The following SLC25A21 variants were observed in gnomAD, a reference collection of about 807,000 sequenced individuals.
SLC25A21 encodes solute carrier family 25 member 21.
In SLC25A21, 47 loss-of-function variants were observed where a neutral mutation model predicts 43.8. The observed-to-expected ratio is 1.07, with a 90% CI of 0.85 to 1.37. SLC25A21 has a LOEUF of 1.37. Ranked by LOEUF, SLC25A21 falls within the 40% of genes most tolerant of loss-of-function variation. SLC25A21 has a pLI of 0.00. For synonymous variants in SLC25A21, 131 were observed against 121.3 expected (o/e 1.08, Z -0.52); for missense variants, 352 against 350.2 (o/e 1.00, Z -0.04).
chr14:36,701,684 T>C (rs574165607), intron 7 of SLC25A21, among the ~76,000 whole-genome samples: 2 of 152,312 alleles, frequency 1.3e-5, no homozygotes, highest in South Asian at 2.1e-4. Flanking sequence ...TAATATGTAT[T>C]GTATATACCT....
intron 1 of SLC25A21, among the ~76,000 whole-genome samples, chr14:36,891,436 T>C (rs999053606): frequency 4.6e-5 from 7 of 152,160 alleles, no homozygotes; most frequent in African/African-American, 1.7e-4. Flanking sequence ...TTTGAATAAA[T>C]AGAGCAAAAT....
chr14:36,746,211 G>A (rs181561502), intron 3 of SLC25A21, among the ~76,000 whole-genome samples: 17 of 152,254 alleles, frequency 1.1e-4, no homozygotes, highest in Middle Eastern at 3.4e-3. Context: ...CTAAGTGTCC[G>A]TCAACAGATG....
intron 1 of SLC25A21, among the ~76,000 whole-genome samples, chr14:36,915,657 C>T (rs973373076): frequency 6.6e-6 from 1 of 152,088 alleles, no homozygotes; most frequent in African/African-American, 2.4e-5. Flanking sequence ...TTTAATTGAA[C>T]AGTTATTGAG....
intron 1 of SLC25A21, among the ~76,000 whole-genome samples, chr14:37,121,951 A>G (rs888486668): frequency 8.3e-6 from 1 of 121,206 alleles, no homozygotes; most frequent in African/African-American, 2.7e-5. Context: ...CCTAATGCCC[A>G]GAGACAGCAA....
chr14:36,690,481 T>G (rs79888389), intron 7 of SLC25A21, among the ~76,000 whole-genome samples: 7,419 of 152,242 alleles, frequency 0.049, 397 homozygotes, highest in East Asian at 0.29. Context: ...TCCTTCTGAC[T>G]CCCAAGCCTA....
At chr14:37,056,476 G>A (rs530256291) in intron 1 of SLC25A21, among the ~76,000 whole-genome samples, 25 of 147,200 alleles carry the variant, frequency 1.7e-4, no homozygotes, top group Non-Finnish European at 3.3e-4. Context: ...GGGCGACAGC[G>A]AGACTCCATC....
intron 2 of SLC25A21, among the ~76,000 whole-genome samples, chr14:36,864,882 T>C (rs906442160): frequency 3.3e-5 from 5 of 152,198 alleles, no homozygotes; most frequent in African/African-American, 1.2e-4. Flanking sequence ...GGGCAAATCA[T>C]TAACATATGG....
chr14:36,770,309 G>A (rs2415362), intron 3 of SLC25A21, among the ~76,000 whole-genome samples: 7,545 of 152,160 alleles, frequency 0.05, 621 homozygotes, highest in African/African-American at 0.17. Context: ...ATAAGTGGGC[G>A]CTAAATATTT....
At chr14:36,797,566 T>C (rs1887718109) in intron 3 of SLC25A21, among the ~76,000 whole-genome samples, 1 of 152,218 alleles carries the variant, frequency 6.6e-6, no homozygotes, top group Non-Finnish European at 1.5e-5. Context: ...TTTGCTCTTA[T>C]CTAGAAAGTT....
intron 1 of SLC25A21, among the ~76,000 whole-genome samples, chr14:37,124,387 G>C (rs1963261774): frequency 6.6e-6 from 1 of 151,612 alleles, no homozygotes; most frequent in Non-Finnish European, 1.5e-5. Flanking sequence ...GAGAATATTT[G>C]TCAGCAGTTC....
rs1445383633 is a variant in SLC25A21 at position 36,683,933 on chromosome 14, G to T, written c.786-53C>A. On this transcript the variant is annotated intron_variant, in intron 8 of 9. Transcript: ENST00000331299. ...TCTTATTCTGAAAATAAATGGAGTT[G>T]TACCTTAGCTTTATTGAGATAGGGA... 7.2e-6 allele frequency: 10 copies of T among 1,394,718 alleles called. No homozygotes were observed. In the African/African-American group the frequency reaches 1.2e-4, roughly 16 times the overall value. The allele number at this position is 1,394,718 out of a possible 1,614,324, so 86.4% of individuals were successfully genotyped here. A position where few individuals can be genotyped will look rare whatever the true frequency, so the allele number is the denominator to read the frequency against.
intron 1 of SLC25A21, among the ~76,000 whole-genome samples, chr14:36,961,079 T>C (rs1186353112): frequency 2.0e-5 from 3 of 151,556 alleles, no homozygotes; most frequent in African/African-American, 7.3e-5. Context: ...ATGATGTGAG[T>C]GAGCTGGCAA....
intron 1 of SLC25A21, among the ~76,000 whole-genome samples, chr14:36,881,614 G>A (rs937069410): frequency 1.3e-5 from 2 of 152,062 alleles, no homozygotes; most frequent in African/African-American, 4.8e-5. Context: ...TTACAACCTA[G>A]GTCACAGAAA....
intron 1 of SLC25A21, among the ~76,000 whole-genome samples, chr14:37,161,933 G>C (rs577513286): frequency 7.1e-6 from 1 of 141,206 alleles, no homozygotes; most frequent in African/African-American, 2.7e-5. Context: ...AATGCACTCC[G>C]GCCTGGGCGA....
intron 1 of SLC25A21, among the ~76,000 whole-genome samples, chr14:36,962,536 C>T (rs1025526504): frequency 2.0e-5 from 3 of 152,248 alleles, no homozygotes; most frequent in Middle Eastern, 3.4e-3. Context: ...CATTCTCTAT[C>T]TCTCTTTTTT....
chr14:36,828,608 T>C (rs1009500736), intron 2 of SLC25A21: 1 of 152,250 alleles, frequency 6.6e-6, no homozygotes, highest in East Asian at 1.9e-4. Flanking sequence ...GTGACTCTAC[T>C]TCTACGGGTT....
chr14:37,105,529 A>G (rs1376050277), intron 1 of SLC25A21, among the ~76,000 whole-genome samples: 1 of 152,210 alleles, frequency 6.6e-6, no homozygotes, highest in African/African-American at 2.4e-5. Context: ...GCCTTTCTAC[A>G]TATTTCCCAT....
At chr14:36,915,280 G>A (rs868545743) in intron 1 of SLC25A21, among the ~76,000 whole-genome samples, 2 of 152,038 alleles carry the variant, frequency 1.3e-5, no homozygotes, top group Admixed American at 6.6e-5. Context: ...TGAGCTAACT[G>A]GGAAATGTCA....
intron 3 of SLC25A21, among the ~76,000 whole-genome samples, chr14:36,800,596 G>A (rs542572864): frequency 5.9e-5 from 9 of 152,080 alleles, no homozygotes; most frequent in African/African-American, 1.9e-4. Context: ...GAGAAATGGG[G>A]AATTACTGTT....
Sources: gnomAD v4.1 joint callset for allele counts (sites outside exome capture counted in the v4.1 genomes callset) on GRCh38, gnomAD v4.1.1 for gene constraint, MANE v1.5 for transcripts, NCBI Gene and HGNC (gene_info 2026-07-23, HGNC 2026-07-21) for gene names.